Variants in SPATA6L observed in about 807,000 individuals in gnomAD.
SPATA6L encodes the protein spermatogenesis associated 6-like protein.
Under a neutral mutation model 49.2 loss-of-function variants are expected in SPATA6L, and 68 were observed. That is an observed-to-expected ratio of 1.38 (90% CI 1.14 to 1.69). SPATA6L has a LOEUF of 1.69. Among genes scored for constraint, SPATA6L ranks in the 40% most tolerant of loss-of-function variants. The pLI, the probability that SPATA6L is intolerant of heterozygous loss-of-function variation, is 0.00. For missense variants in SPATA6L, 668 were observed against 464.3 expected (o/e 1.44, Z -4.03); for synonymous variants, 198 against 165.7 (o/e 1.19, Z -1.50).
intron 4 of SPATA6L, among the ~76,000 whole-genome samples, chr9:4,629,769 G>GTGTGTGTGTGTGTGTGTGTA (rs1311805859): frequency 2.9e-5 from 3 of 101,936 alleles, no homozygotes; most frequent in African/African-American, 1.5e-4. Flanking sequence ...GTGTGTGTGT[G>GTGTGTGTGTGTGTGTGTGTA]TATATATATA....
In SPATA6L at chr9:4,601,019, C is replaced by T. The variant is rs560242187; in HGVS notation, c.*2-210G>A. On this transcript the variant is annotated intron_variant, in intron 11 of 11. Transcript: ENST00000682582. ...GTGTGACCTTGGACAATTTACTTGA[C>T]GTCTTTGTAAAATATCAGGATGATG... 3.3e-5 allele frequency among the ~76,000 whole-genome samples: 5 copies of T among 152,320 alleles called. No homozygotes were observed. In the East Asian group the frequency reaches 7.7e-4, roughly 23 times the overall value.
In SPATA6L at chr9:4,662,936, C is replaced by A; in HGVS notation, c.40-900G>T. 1 of 1,611,296 alleles carries A rather than the reference C, an allele frequency of 6.2e-7. No individual in the cohort carries two copies. The highest frequency in any genetic ancestry group is 1.1e-5 in the South Asian group (1 of 91,026). ...TGGTGGCCTTGATCAAAGGGCTGGT[C>A]CGCAGGCGCCGCCCGGCCCACAACC... is the stretch of plus-strand genomic sequence containing the variant. On this transcript the variant is annotated intron_variant, in intron 1 of 11. Coordinates refer to ENST00000682582, the MANE Select transcript of SPATA6L (RefSeq NM_001353486.2). This position sits in a 1 kb window ranked among gnomAD's most constrained non-coding sequence, Gnocchi z 4.9.
At chr9:4,621,646 G>A (rs1829326642) in intron 7 of SPATA6L, among the ~76,000 whole-genome samples, 1 of 152,058 alleles carries the variant, frequency 6.6e-6, no homozygotes, top group Non-Finnish European at 1.5e-5. Flanking sequence ...GTGCCACCAC[G>A]CCCGGCTAAT....
Position 4,605,364 on chromosome 9 carries a change from G to A in SPATA6L, c.1072C>T (p.Gln358Ter). The change falls in exon 10 of 12, where the codon CAG becomes TAG. Residue 358 changes from glutamine to a stop codon, truncating the protein, a stop_gained. Coordinates refer to ENST00000682582, the MANE Select transcript of SPATA6L (RefSeq NM_001353486.2). LOFTEE classifies it high-confidence loss of function. ...AGTCTAACCTTGTTTTGGTGCAGCT[G>A]TGCTCTGTGGGATGTCAGAAGACTG... The part of the protein sequence containing the change: ...VCSLLTSHRA[Q>*]LHQNKEDSTS... The A allele has an allele frequency of 3.1e-6, 5 of 1,613,834 alleles. No individual in the cohort carries two copies. The highest frequency in any genetic ancestry group is 4.2e-6 in the Non-Finnish European group (5 of 1,179,762).
rs775096345 is a variant in SPATA6L at position 4,618,905 on chromosome 9, G to A, written c.773-7C>T. On this transcript the variant is annotated splice_region_variant and splice_polypyrimidine_tract_variant and intron_variant, in intron 7 of 11. Coordinates refer to ENST00000682582, the MANE Select transcript of SPATA6L (RefSeq NM_001353486.2). ...AGGCTGTCAAGAGAAGAAGCTAGAA[G>A]AAAGAGGAACAGGCATTTCAATGAC... 6.2e-7 allele frequency: 1 copy of A among 1,613,134 alleles called. No homozygotes were observed. The highest frequency in any genetic ancestry group is 1.1e-5 in the South Asian group (1 of 91,006).
chr9:4,607,401 C>A (rs1268243058), intron 9 of SPATA6L, among the ~76,000 whole-genome samples: 1 of 152,038 alleles, frequency 6.6e-6, no homozygotes, highest in Non-Finnish European at 1.5e-5. Context: ...AGAGAAAGGT[C>A]GGGTTACCCT....
chr9:4,625,218 T>G, intron 6 of SPATA6L, 109 bp downstream of exon 6: 4 of 1,452,902 alleles, frequency 2.8e-6, no homozygotes, highest in Non-Finnish European at 3.6e-6. Flanking sequence ...TTGAAGTACC[T>G]TTTTATTGAA....
chr9:4,622,385 G>C, intron 7 of SPATA6L, 23 bp downstream of exon 7: 1 of 1,424,694 alleles, frequency 7.0e-7, no homozygotes, highest in Non-Finnish European at 9.9e-7. Context: ...GAAATGTACA[G>C]GAGTAACAAG....
chr9:4,608,443 ATC>A (rs1825852323), intron 9 of SPATA6L, among the ~76,000 whole-genome samples: 1 of 97,142 alleles, frequency 1.0e-5, no homozygotes, highest in Admixed American at 1.2e-4. Context: ...ATAACAAACT[ATC>A]TCTCAGACCA....
At chr9:4,597,585 T>C (rs1822386697), downstream of SPATA6L, among the ~76,000 whole-genome samples, 1 of 152,146 alleles carries the variant, frequency 6.6e-6, no homozygotes, top group Non-Finnish European at 1.5e-5. Context: ...TAAGCATAGG[T>C]TCTTTCCTTT....
chr9:4,658,170 A>C (rs886710504), intron 2 of SPATA6L, among the ~76,000 whole-genome samples: 3 of 152,094 alleles, frequency 2.0e-5, no homozygotes, highest in African/African-American at 7.2e-5. Flanking sequence ...TGTTTAAGCC[A>C]CTCTATTTGT....
In SPATA6L at chr9:4,626,355, A is replaced by T. The variant is rs1830345775; in HGVS notation, c.430-789T>A. 3 of 1,256,888 alleles carry T rather than the reference A, an allele frequency of 2.4e-6. No homozygotes were observed. The South Asian group carries it at 4.1e-5, about 17-fold the overall frequency. 77.9% of individuals were successfully genotyped at this position (1,256,888 alleles called of 1,614,324 possible). ...CTAGACCCACAGGAACCTTCCTCCA[A>T]GCTCCTGTGGCACCAGCAGTGAGCA... On this transcript the variant is annotated intron_variant, in intron 5 of 11. Coordinates refer to ENST00000682582, the MANE Select transcript of SPATA6L (RefSeq NM_001353486.2).
rs368148472 is a variant in SPATA6L, at chr9:4,606,552, C to T, written c.996-1112G>A. On this transcript the variant is annotated intron_variant, in intron 9 of 11. Transcript: ENST00000682582. Reference sequence around the variant, plus strand: ...AGCAGGGGCACACTGACACCTCACACGGCCGGGTACTCCAACAGACCTGCA... The same window carrying T: ...AGCAGGGGCACACTGACACCTCACATGGCCGGGTACTCCAACAGACCTGCA... Among the ~76,000 whole-genome samples, 43 of 37,070 alleles carry T rather than the reference C, an allele frequency of 1.2e-3. 16 individuals are homozygous for T. The highest frequency in any genetic ancestry group is 9.6e-3 in the South Asian group (12 of 1,244). The allele number at this position is 37,070 out of a possible 152,430, so 24.3% of individuals were successfully genotyped here. A position where few individuals can be genotyped will look rare whatever the true frequency, so the allele number is the denominator to read the frequency against.
chr9:4,646,212 T>A (rs1835340279), intron 3 of SPATA6L: 1 of 238,636 alleles, frequency 4.2e-6, no homozygotes, highest in Non-Finnish European at 8.0e-6. Context: ...GAAAAAATTA[T>A]TTAATAATTA....
chr9:4,621,315 A>T (rs1315409357), intron 7 of SPATA6L, among the ~76,000 whole-genome samples: 1 of 152,192 alleles, frequency 6.6e-6, no homozygotes, highest in Admixed American at 6.5e-5. Flanking sequence ...GATCTCCCCC[A>T]GGGGTACCCA....
chr9:4,596,064 T>G (rs1822229963), downstream of SPATA6L, among the ~76,000 whole-genome samples: 1 of 152,206 alleles, frequency 6.6e-6, no homozygotes, highest in Non-Finnish European at 1.5e-5. Flanking sequence ...CAGTCACAAA[T>G]CCTGCCTGGT....
chr9:4,640,685 G>T (rs191366679), intron 3 of SPATA6L, among the ~76,000 whole-genome samples: 79 of 152,010 alleles, frequency 5.2e-4, no homozygotes, highest in African/African-American at 1.9e-3. Flanking sequence ...TGTAGATCAT[G>T]TGCAAAGTAT....
intron 9 of SPATA6L, among the ~76,000 whole-genome samples, chr9:4,607,705 G>T (rs977759943): frequency 1.3e-5 from 2 of 152,146 alleles, no homozygotes; most frequent in African/African-American, 4.8e-5. Flanking sequence ...AAAATGTAAA[G>T]ACCGTCGAGA....
At chr9:4,663,035 G>GGTTC in intron 1 of SPATA6L, 1 of 1,613,916 alleles carries the variant, frequency 6.2e-7, no homozygotes, top group Non-Finnish European at 8.5e-7. Context: ...GGGCCGCCCT[G>GGTTC]ATGTCGAGGT....
Sources: gnomAD v4.1 joint callset for allele counts (sites outside exome capture counted in the v4.1 genomes callset) on GRCh38, gnomAD v4.1.1 for gene constraint, Gnocchi (gnomAD v3.1) non-coding constraint, MANE v1.5 for transcripts, NCBI Gene and HGNC (gene_info 2026-07-23, HGNC 2026-07-21) for gene names.